ADGRL2: variants seen among roughly 807,000 people sequenced by gnomAD.
ADGRL2 encodes adhesion G protein-coupled receptor L2.
ADGRL2 carries 44 observed loss-of-function variants against 157.4 expected under a neutral mutation model. The observed-to-expected ratio is 0.28, with a 90% CI of 0.22 to 0.36. ADGRL2 has a LOEUF of 0.36. Ranked by LOEUF, ADGRL2 falls within the 10% of genes least tolerant of loss-of-function variation. ADGRL2 has a pLI of 1.00. For missense variants in ADGRL2, 1,510 were observed against 1,768.9 expected (o/e 0.85, Z 2.63); for synonymous variants, 585 against 624.7 (o/e 0.94, Z 0.95).
intron 3 of ADGRL2, among the ~76,000 whole-genome samples, chr1:81,654,165 C>T (rs549896191): frequency 2.0e-5 from 3 of 152,234 alleles, no homozygotes; most frequent in South Asian, 2.1e-4. Flanking sequence ...AGGCTGGTCT[C>T]GAACTTCTGA....
At chr1:81,318,339 T>C (rs1363763706) in intron 1 of ADGRL2, among the ~76,000 whole-genome samples, 1 of 152,212 alleles carries the variant, frequency 6.6e-6, no homozygotes, top group Non-Finnish European at 1.5e-5. Context: ...ATTTTGATAA[T>C]ATTACTCCCC....
At chr1:81,416,863 C>A (rs1016674624) in intron 1 of ADGRL2, among the ~76,000 whole-genome samples, 5 of 152,098 alleles carry the variant, frequency 3.3e-5, no homozygotes, top group African/African-American at 1.2e-4. Flanking sequence ...TAAGAAGCAT[C>A]TTTGATTATG....
At chr1:81,920,923 C>G (rs79302963) in intron 3 of ADGRL2, among the ~76,000 whole-genome samples, 3,727 of 150,206 alleles carry the variant, frequency 0.025, 57 homozygotes, top group Non-Finnish European at 0.037. Context: ...GCACTCAAAA[C>G]GTTTATCTTT....
At chr1:81,771,705 G>A (rs2086375933) in intron 2 of ADGRL2, among the ~76,000 whole-genome samples, 1 of 151,886 alleles carries the variant, frequency 6.6e-6, no homozygotes, top group Admixed American at 6.6e-5. Context: ...ATCCCCCTAT[G>A]AGAGTGCAAC....
chr1:81,433,913 T>C (rs1322679168), intron 1 of ADGRL2, among the ~76,000 whole-genome samples: 1 of 152,186 alleles, frequency 6.6e-6, no homozygotes, highest in African/African-American at 2.4e-5. Flanking sequence ...GGTTGTAGGC[T>C]AGAAGCTGTG....
At chr1:81,953,352 A>G (rs984082412) in intron 10 of ADGRL2, among the ~76,000 whole-genome samples, 10 of 152,178 alleles carry the variant, frequency 6.6e-5, no homozygotes, top group African/African-American at 2.4e-4. Flanking sequence ...TAAAACAGCT[A>G]TGATATATTC....
At chr1:81,469,874 CT>C (rs1172109809) in intron 2 of ADGRL2, among the ~76,000 whole-genome samples, 1 of 152,174 alleles carries the variant, frequency 6.6e-6, no homozygotes, top group Non-Finnish European at 1.5e-5. Context: ...TGCAATTCAG[CT>C]CTTTATTCTC....
chr1:81,609,162 C>T (rs1041025805), intron 3 of ADGRL2, among the ~76,000 whole-genome samples: 15 of 151,986 alleles, frequency 9.9e-5, no homozygotes, highest in African/African-American at 3.6e-4. Flanking sequence ...GCCTTAGCCA[C>T]CCAAGTAGCT....
In ADGRL2 at chr1:81,782,913, G is replaced by GT. The variant is rs59982380; in HGVS notation, c.-101+21061_-101+21062insT. Among the ~76,000 whole-genome samples, 704 of 152,308 alleles carry GT rather than the reference G, an allele frequency of 4.6e-3. 7 individuals are homozygous for GT. Among genetic ancestry groups the GT allele is most frequent in the South Asian group, 0.041 (198 of 4,822 alleles). ...GAAGACAGGGCACAGGGAAGGATCA[G>GT]AGTAGGGAAGGGATGGAAGGACAAG... On this transcript the variant is annotated intron_variant, in intron 2 of 20. Transcript: ENST00000359929.
chr1:81,877,139 C>G (rs563270435), intron 2 of ADGRL2, among the ~76,000 whole-genome samples: 76 of 152,180 alleles, frequency 5.0e-4, no homozygotes, highest in African/African-American at 1.8e-3. Context: ...ATTCTCACTT[C>G]AAGGTGGCAT....
chr1:81,908,782 GTTGTAAT>G (rs1242322103), intron 3 of ADGRL2, among the ~76,000 whole-genome samples: 2 of 151,710 alleles, frequency 1.3e-5, no homozygotes, highest in Non-Finnish European at 2.9e-5. Flanking sequence ...TCTTATTGAT[GTTGTAAT>G]TTGTAATTCC....
Position 81,990,545 on chromosome 1 carries a change from G to T in ADGRL2, c.3810G>T (p.Glu1270Asp), listed in dbSNP as rs1479324481. 2 of 1,614,110 alleles carry T rather than the reference G, an allele frequency of 1.2e-6. No homozygotes were observed. Among genetic ancestry groups the T allele is most frequent in the South Asian group, 1.1e-5 (1 of 91,080 alleles). ...CGLSLNDTAF[E>D]KMIISELVHN... is the part of the protein sequence containing the mutation. ...TAAGTCTGAATGATACTGCTTTTGAGAAAATGATCATTTCAGAATTAGTGC... is the reference window on the plus strand; with the variant it reads ...TAAGTCTGAATGATACTGCTTTTGATAAAATGATCATTTCAGAATTAGTGC... The change falls in exon 24 of 24, where the codon GAG becomes GAT. Residue 1270 changes from glutamate (E) to aspartate (D), a missense_variant. Physicochemically the swap from Glu to Asp is conservative, Grantham distance 45. Coordinates refer to ENST00000686636, the MANE Select transcript of ADGRL2 (RefSeq NM_001366006.2).
intron 1 of ADGRL2, among the ~76,000 whole-genome samples, chr1:81,753,910 T>C (rs981597390): frequency 6.6e-6 from 1 of 152,214 alleles, no homozygotes; most frequent in African/African-American, 2.4e-5. Context: ...GACCATCTTT[T>C]GAATATATGA....
rs531684999 is a variant in ADGRL2 at position 81,785,564 on chromosome 1, C to A, written c.-101+23712C>A. Reference sequence around the variant, plus strand: ...GCAGCATAGGGAGACCCTGTCTGTACAAAAAAATTAAAAATCAGCTGGGCA... The same window carrying A: ...GCAGCATAGGGAGACCCTGTCTGTAAAAAAAAATTAAAAATCAGCTGGGCA... On this transcript the variant is annotated intron_variant, in intron 2 of 20. Coordinates refer to the ADGRL2 transcript ENST00000359929. Among the ~76,000 whole-genome samples, 5 of 151,818 alleles carry A rather than the reference C, an allele frequency of 3.3e-5. No homozygotes were observed. The East Asian group carries it at 9.7e-4, about 30-fold the overall frequency.
chr1:81,426,309 C>T (rs970121734), intron 1 of ADGRL2: 1 of 236,030 alleles, frequency 4.2e-6, no homozygotes, highest in African/African-American at 2.4e-5. Flanking sequence ...GTGGGTCAGA[C>T]AACTTCCCTA....
chr1:81,429,911 G>C (rs540032219), intron 1 of ADGRL2, among the ~76,000 whole-genome samples: 1 of 152,178 alleles, frequency 6.6e-6, no homozygotes, highest in South Asian at 2.1e-4. Flanking sequence ...TGTTGTTTTT[G>C]AGATGGTGTT....
At chr1:81,925,508 T>C (rs535609545) in intron 3 of ADGRL2, among the ~76,000 whole-genome samples, 2 of 151,038 alleles carry the variant, frequency 1.3e-5, no homozygotes, top group Non-Finnish European at 3.0e-5. Context: ...TTGGGAAAGA[T>C]CCATAATTCG....
chr1:81,867,312 T>G (rs1198585800), intron 2 of ADGRL2, among the ~76,000 whole-genome samples: 1 of 152,192 alleles, frequency 6.6e-6, no homozygotes, highest in Non-Finnish European at 1.5e-5. Context: ...AAGGTAGCAT[T>G]GTTATTGAAC....
At chr1:81,714,855 T>TG (rs1460666256) in intron 1 of ADGRL2, among the ~76,000 whole-genome samples, 1 of 152,072 alleles carries the variant, frequency 6.6e-6, no homozygotes, top group African/African-American at 2.4e-5. Context: ...TGTTTTGTTT[T>TG]TTTTTTTCCT....
Sources: allele counts gnomAD v4.1 joint callset (sites outside exome capture counted in the v4.1 genomes callset), GRCh38; gene constraint gnomAD v4.1.1; transcripts MANE v1.5; gene names NCBI Gene and HGNC (gene_info 2026-07-23, HGNC 2026-07-21).